The following CCDC136 variants were observed in gnomAD, a reference collection of about 807,000 sequenced individuals.
The protein encoded by CCDC136 is coiled-coil domain containing 136.
A neutral mutation model predicts 141.2 loss-of-function variants in CCDC136; 100 were observed. That is an observed-to-expected ratio of 0.71 (90% confidence interval 0.60 to 0.84). The LOEUF is 0.84. Ranked by LOEUF, CCDC136 falls within the 40% of genes least tolerant of loss-of-function variation. The pLI, the probability that CCDC136 is intolerant of heterozygous loss-of-function variation, is 0.00. For missense variants in CCDC136, 1,206 were observed against 1,379.4 expected (o/e 0.87, Z 1.99); for synonymous variants, 474 against 531.9 (o/e 0.89, Z 1.50).
chr7:128,809,471 C>G lies in CCDC136; in HGVS notation c.1627C>G (p.Leu543Val), dbSNP rs1282365269. 2 of 1,528,124 alleles carry G rather than the reference C, an allele frequency of 1.3e-6. No homozygotes were observed. Among genetic ancestry groups the G allele is most frequent in the African/African-American group, 2.8e-5 (2 of 72,132 alleles). The allele number at this position is 1,528,124 out of a possible 1,614,324, so 94.7% of individuals were successfully genotyped here. A position where few individuals can be genotyped will look rare whatever the true frequency, so the allele number is the denominator to read the frequency against. ...ACAGTGTGACACACTGCTGTCCAGA[C>G]TGACAGAATTGCAGGAAAAGTACAA... The part of the protein sequence containing the change: ...ANKCDTLLSR[L>V]TELQEKYKAS... Residue 543 changes from leucine to valine, a missense_variant, in exon 11 of 18, where the codon CTG becomes GTG. Transcript: ENST00000297788.
upstream of CCDC136, chr7:128,790,978 T>A (rs1318831424): frequency 8.1e-6 from 1 of 122,996 alleles, no homozygotes; most frequent in Non-Finnish European, 1.8e-5. This position sits in a 1 kb window ranked among gnomAD's most constrained non-coding sequence, Gnocchi z 5.4. Flanking sequence ...GACTGCTAGG[T>A]GGGGGCGCCG....
rs1321997021 is a variant in CCDC136, at chr7:128,822,039, G to A, written c.*246G>A. 1 of 1,207,724 alleles carries A rather than the reference G, an allele frequency of 8.3e-7. No homozygotes were observed. Among genetic ancestry groups the A allele is most frequent in the African/African-American group, 1.6e-5 (1 of 63,512 alleles). 74.8% of individuals were successfully genotyped at this position (1,207,724 alleles called of 1,614,324 possible). A position where few individuals can be genotyped will look rare whatever the true frequency, so the allele number is the denominator to read the frequency against. On this transcript the variant is annotated 3_prime_UTR_variant, in exon 18 of 18. Transcript: ENST00000297788. ...CCATCTCCTCAGCCTCAGTCACCCA[G>A]GCTGAAAAGGCTTGTGGGGAGCGGC...
intron 3 of CCDC136, among the ~76,000 whole-genome samples, chr7:128,800,796 AG>A (rs1471287570): frequency 5.3e-5 from 8 of 152,236 alleles, no homozygotes; most frequent in Admixed American, 1.3e-4. Context: ...AGGTGAAAAT[AG>A]TCTGTATACA....
intron 10 of CCDC136, chr7:128,809,057 C>A: frequency 1.3e-6 from 1 of 769,416 alleles, no homozygotes; most frequent in Non-Finnish European, 1.6e-6. Context: ...CATTAAAAAA[C>A]AACTGGGGTT....
chr7:128,808,626 G>A, intron 10 of CCDC136: 1 of 985,418 alleles, frequency 1.0e-6, no homozygotes, highest in Non-Finnish European at 1.2e-6. Flanking sequence ...AAACTCAGTA[G>A]TTCCTGTCCC....
Position 128,794,337 on chromosome 7 carries a change from G to T in CCDC136, c.17-11G>T, listed in dbSNP as rs369244647. The T allele has an allele frequency of 1.2e-5, 19 of 1,552,110 alleles. No homozygotes were observed. The highest frequency in any genetic ancestry group is 3.9e-5 in the Admixed American group (2 of 51,010). On this transcript the variant is annotated splice_polypyrimidine_tract_variant and intron_variant, in intron 1 of 17. Coordinates refer to ENST00000297788, the MANE Select transcript of CCDC136 (RefSeq NM_022742.5). This position sits in a 1 kb window ranked among gnomAD's most constrained non-coding sequence, Gnocchi z 4.3. The stretch of plus-strand genomic sequence containing the variant: ...ATGCTGACTCCTTGGTGGGATGGCT[G>T]TGTCTCCTAGGGGAGGTGTTACTCC...
rs756078890 is a variant in CCDC136, at chr7:128,812,232, A to G, written c.2461A>G (p.Thr821Ala). 1.2e-6 allele frequency: 2 copies of G among 1,613,920 alleles called. No individual in the cohort carries two copies. The highest frequency in any genetic ancestry group is 2.2e-5 in the South Asian group (2 of 91,076). Residue 821 changes from threonine (T) to alanine (A), a missense_variant, in exon 13 of 18, where the codon ACC becomes GCC. Transcript: ENST00000297788. The stretch of plus-strand genomic sequence containing the variant: ...TACCTATAAGAAGAGTTACGGCAGC[A>G]CCAGTAGCTCTGACACCTGCCAGAA... The part of the protein sequence containing the change: ...SITYKKSYGS[T>A]SSSDTCQKSF...
chr7:128,809,283 C>A lies in CCDC136; in HGVS notation c.1606-167C>A, dbSNP rs866793640. On this transcript the variant is annotated intron_variant, in intron 10 of 17. Transcript: ENST00000297788. ...GAGCAGCCTGCAGGGGATCCCCAAT[C>A]GGTATCTAAACAGCCAGAATGCATT... The A allele has an allele frequency of 5.2e-6, 3 of 575,860 alleles. No homozygotes were observed. In the African/African-American group the frequency reaches 5.8e-5, roughly 11 times the overall value. 35.7% of individuals were successfully genotyped at this position (575,860 alleles called of 1,614,324 possible).
At position 128,806,118 on chromosome 7, in the gene CCDC136, A is replaced by C. The variant is rs964542962; in HGVS notation, c.1090-119A>C. 2.9e-6 allele frequency: 3 copies of C among 1,048,714 alleles called. No homozygotes were observed. The African/African-American group carries it at 4.8e-5, about 17-fold the overall frequency. 65.0% of individuals were successfully genotyped at this position (1,048,714 alleles called of 1,614,324 possible). On this transcript the variant is annotated intron_variant, in intron 7 of 17. Transcript: ENST00000297788. ...GTGTCCATCTCACAGAAGAAACCAA[A>C]CCCTAGACCTGTGGGAGCTCCTCAA...
At chr7:128,806,880 G>A (rs748674294) in intron 9 of CCDC136, 22 bp downstream of exon 9, 1 of 1,579,394 alleles carries the variant, frequency 6.3e-7, no homozygotes, top group South Asian at 1.2e-5. Flanking sequence ...TCCTGGTGAG[G>A]GAGGATGTAG....
At chr7:128,791,256 T>TG (rs2128889499), upstream of CCDC136, among the ~76,000 whole-genome samples, 1 of 151,974 alleles carries the variant, frequency 6.6e-6, no homozygotes, top group Non-Finnish European at 1.5e-5. The surrounding 1 kb of genome is among the most constrained non-coding windows in gnomAD (Gnocchi z 7.1). Context: ...GGGAGAGCCT[T>TG]GGGGCGTATC....
Position 128,806,798 on chromosome 7 carries a change from T to A in CCDC136, c.1359T>A (p.His453Gln), listed in dbSNP as rs1296678708. 2.5e-6 allele frequency: 4 copies of A among 1,612,520 alleles called. No homozygotes were observed. Among genetic ancestry groups the A allele is most frequent in the Non-Finnish European group, 3.4e-6 (4 of 1,179,416 alleles). Residue 453 changes from histidine (H) to glutamine (Q), a missense_variant, in exon 9 of 18, where the codon CAT becomes CAA. Coordinates refer to ENST00000297788, the MANE Select transcript of CCDC136 (RefSeq NM_022742.5). ...QQQLQEELQC[H>Q]EAELQHLRDT... Reference sequence around the variant, plus strand: ...AGCTGCAGGAGGAGCTGCAGTGCCATGAGGCAGAGCTGCAGCACCTCAGGG... The same window carrying A: ...AGCTGCAGGAGGAGCTGCAGTGCCAAGAGGCAGAGCTGCAGCACCTCAGGG...
At chr7:128,797,009 G>A (rs1488140426) in intron 3 of CCDC136, among the ~76,000 whole-genome samples, 2 of 151,926 alleles carry the variant, frequency 1.3e-5, no homozygotes, top group African/African-American at 2.4e-5. Context: ...CCAAAGTGCT[G>A]GGATTACAGG....
In CCDC136 at chr7:128,792,154, C is replaced by T. The variant is rs540566903; in HGVS notation, c.-258C>T. On this transcript the variant is annotated 5_prime_UTR_variant, in exon 1 of 18. Coordinates refer to ENST00000297788, the MANE Select transcript of CCDC136 (RefSeq NM_022742.5). ...GCTGGGAGGCAGGGCTGAGAGGTGG[C>T]CGAGAGAGAGGAGTCGCAGAGCCGC... 148 of 1,432,998 alleles carry T rather than the reference C, an allele frequency of 1.0e-4. 1 individual carries two copies. The African/African-American group carries it at 1.9e-3, about 18-fold the overall frequency. The allele number at this position is 1,432,998 out of a possible 1,614,324, so 88.8% of individuals were successfully genotyped here.
intron 10 of CCDC136, chr7:128,809,131 C>T (rs897454631): frequency 6.0e-6 from 2 of 332,586 alleles, no homozygotes; most frequent in Non-Finnish European, 4.9e-6. Context: ...AAGGAAAGGG[C>T]CGGAGAAGAG....
rs1319576199 is a variant in CCDC136 at position 128,810,304 on chromosome 7, G to A, written c.1966G>A (p.Glu656Lys). 2 of 1,614,010 alleles carry A rather than the reference G, an allele frequency of 1.2e-6. No individual in the cohort carries two copies. Among genetic ancestry groups the A allele is most frequent in the South Asian group, 1.1e-5 (1 of 91,070 alleles). Residue 656 changes from glutamate (E) to lysine (K), a missense_variant, in exon 12 of 18, where the codon GAA (glutamate) becomes AAA (lysine). Transcript: ENST00000297788. ...ACGTTTCAAAGAGTCTCATTTCCAG[G>A]AAGTGTTGGAGAATCCCGATGATTC... ...LRRFKESHFQ[E>K]VLENPDDSKL...
At position 128,805,844 on chromosome 7, in the gene CCDC136, G is replaced by C; in HGVS notation, c.1032G>C (p.Glu344Asp). ...SEEEQRRLQR[E>D]LKCAQNEVLR... is the part of the protein sequence containing the mutation. ...AGGAGCAGAGGCGGCTGCAGAGGGA[G>C]CTCAAGTGTGCTCAGAATGAGGTGC... The change falls in exon 7 of 18, where the codon GAG becomes GAC. Residue 344 changes from glutamate (E) to aspartate (D), a missense_variant. Transcript: ENST00000297788. The surrounding 1 kb of genome is among the most constrained non-coding windows in gnomAD (Gnocchi z 4.6). 1 of 1,614,012 alleles carries C rather than the reference G, an allele frequency of 6.2e-7. No homozygotes were observed. Among genetic ancestry groups the C allele is most frequent in the Non-Finnish European group, 8.5e-7 (1 of 1,179,880 alleles).
In CCDC136 at chr7:128,815,876, C is replaced by G; in HGVS notation, c.3308C>G (p.Ser1103Cys). The G allele has an allele frequency of 6.2e-7, 1 of 1,613,954 alleles. No individual in the cohort carries two copies. The highest frequency in any genetic ancestry group is 8.5e-7 in the Non-Finnish European group (1 of 1,179,876). The change falls in exon 16 of 18, where the codon TCT becomes TGT. Residue 1103 changes from serine (S) to cysteine (C), a missense_variant. Transcript: ENST00000297788. ...GAAGAGGAGGAGGATGACGCCGACTCTTCCCTTGAAAGTCCCGAAGAAAAT... is the reference window on the plus strand; with the variant it reads ...GAAGAGGAGGAGGATGACGCCGACTGTTCCCTTGAAAGTCCCGAAGAAAAT... ...DSEEEEDDAD[S>C]SLESPEENNP...
chr7:128,816,250 T>C (rs1806613908), intron 16 of CCDC136, among the ~76,000 whole-genome samples: 1 of 152,234 alleles, frequency 6.6e-6, no homozygotes, highest in Non-Finnish European at 1.5e-5. Flanking sequence ...GAGTGTTCCC[T>C]CATCCCTCTT....
Sources: gnomAD v4.1 joint callset for allele counts (sites outside exome capture counted in the v4.1 genomes callset) on GRCh38, gnomAD v4.1.1 for gene constraint, Gnocchi (gnomAD v3.1) non-coding constraint, MANE v1.5 for transcripts, NCBI Gene and HGNC (gene_info 2026-07-23, HGNC 2026-07-21) for gene names.